LGSN: variants seen among roughly 807,000 people sequenced by gnomAD.
The protein encoded by LGSN is lengsin.
Under a neutral mutation model 19.5 loss-of-function variants are expected in LGSN, and 21 were observed. The observed-to-expected ratio is 1.07, with a 90% CI of 0.76 to 1.55. The LOEUF (loss-of-function observed/expected upper bound fraction) is 1.55, where lower values mean the gene tolerates loss of function less well. LGSN is among the 40% of genes most tolerant of loss of function. The pLI is 0.00. For missense variants in LGSN, 673 were observed against 608.5 expected, an observed-to-expected ratio of 1.11 and a Z score of -1.12; for synonymous variants, 257 against 215.6, an observed-to-expected ratio of 1.19 and a Z score of -1.68.
chr6:63,339,804 A>G, the LGSN span, among the ~76,000 whole-genome samples: 2 of 152,024 alleles, frequency 1.3e-5, no homozygotes, highest in African/African-American at 4.8e-5. Flanking sequence ...TTCTGTAATG[A>G]TAACTTGATT....
At chr6:63,474,382 G>A in the LGSN span, among the ~76,000 whole-genome samples, 4 of 152,102 alleles carry the variant, frequency 2.6e-5, no homozygotes, top group Admixed American at 2.0e-4. Context: ...GCCAAGGTGG[G>A]CGGATCACGA....
chr6:63,474,794 A>G, the LGSN span, among the ~76,000 whole-genome samples: 1 of 144,290 alleles, frequency 6.9e-6, no homozygotes, highest in Non-Finnish European at 1.5e-5. Context: ...GTGGTGGCAG[A>G]TGCCTGTAAT....
chr6:63,334,369 G>C, the LGSN span, among the ~76,000 whole-genome samples: 2 of 151,956 alleles, frequency 1.3e-5, no homozygotes, highest in Non-Finnish European at 2.9e-5. Flanking sequence ...ATTTACAATA[G>C]CTACAAAAAA....
the LGSN span, among the ~76,000 whole-genome samples, chr6:63,542,022 GGTGTGTGTGT>G: frequency 0.02 from 2,988 of 146,822 alleles, 61 homozygotes; most frequent in African/African-American, 0.054. Context: ...AAGAAACTGT[GGTGTGTGTGT>G]GTGTGTGTGT....
chr6:63,373,920 C>T, the LGSN span, among the ~76,000 whole-genome samples: 1 of 151,626 alleles, frequency 6.6e-6, no homozygotes, highest in African/African-American at 2.4e-5. Flanking sequence ...GGGTAACAGA[C>T]AGAGCGAGAC....
rs763058952 is a variant in LGSN, at chr6:63,285,708, G to T, written c.209C>A (p.Ser70Tyr). 9.3e-6 allele frequency: 15 copies of T among 1,613,914 alleles called. No individual in the cohort carries two copies. The highest frequency in any genetic ancestry group is 3.4e-6 in the Non-Finnish European group (4 of 1,179,956). The change falls in exon 3 of 4, where the codon TCT (serine) becomes TAT (tyrosine). Residue 70 changes from serine (S) to tyrosine (Y), a missense_variant. Physicochemically the swap from Ser to Tyr is moderately radical, Grantham distance 144. Coordinates refer to ENST00000370657, the MANE Select transcript of LGSN (RefSeq NM_016571.3). ...SSQILTPPQL[S>Y]SRMKHIRQAM... ...TTGTCTAATGTGTTTCATTCTAGAAGAGAGTTGAGGTGGGGTCAAAATTTG... is the reference window on the plus strand; with the variant it reads ...TTGTCTAATGTGTTTCATTCTAGAATAGAGTTGAGGTGGGGTCAAAATTTG...
the LGSN span, among the ~76,000 whole-genome samples, chr6:63,442,125 CCTCATGTCCGGAGTTGTTG>C: frequency 3.9e-5 from 6 of 152,092 alleles, no homozygotes; most frequent in South Asian, 6.2e-4. Context: ...GTTGTTTGTT[CCTCATGTCCGGAGTTGTTG>C]GTCCCTCCCA....
chr6:63,501,556 C>A, the LGSN span, among the ~76,000 whole-genome samples: 1 of 151,632 alleles, frequency 6.6e-6, no homozygotes, highest in African/African-American at 2.4e-5. Flanking sequence ...AGTCATTAGA[C>A]AACAGCCCTG....
the LGSN span, among the ~76,000 whole-genome samples, chr6:63,552,004 C>T: frequency 2.6e-5 from 4 of 152,280 alleles, no homozygotes; most frequent in South Asian, 2.1e-4. Context: ...AATAAACATA[C>T]GTGTGCATGT....
the LGSN span, among the ~76,000 whole-genome samples, chr6:63,401,496 A>T: frequency 6.6e-6 from 1 of 152,184 alleles, no homozygotes; most frequent in Non-Finnish European, 1.5e-5. Context: ...CCATCACAAG[A>T]TGTCCATTAA....
At chr6:63,520,360 C>T in the LGSN span, among the ~76,000 whole-genome samples, 1 of 152,166 alleles carries the variant, frequency 6.6e-6, no homozygotes, top group Admixed American at 6.6e-5. Context: ...GGTGTGGTGG[C>T]TCATGCCTGT....
chr6:63,467,963 A>G, the LGSN span, among the ~76,000 whole-genome samples: 3 of 152,054 alleles, frequency 2.0e-5, no homozygotes, highest in South Asian at 6.2e-4. Flanking sequence ...AAGTGCTGAA[A>G]TTACAGACGT....
At chr6:63,466,664 G>A in the LGSN span, among the ~76,000 whole-genome samples, 1 of 152,168 alleles carries the variant, frequency 6.6e-6, no homozygotes, top group Non-Finnish European at 1.5e-5. Flanking sequence ...GGAAATTGGA[G>A]ATAAGAGAAA....
At chr6:63,310,015 C>T (rs973505565) in intron 1 of LGSN, among the ~76,000 whole-genome samples, 3 of 152,198 alleles carry the variant, frequency 2.0e-5, no homozygotes, top group Non-Finnish European at 4.4e-5. Context: ...TTGGTATTCT[C>T]TAAGGCTCTG....
chr6:63,547,187 A>ATT, the LGSN span, among the ~76,000 whole-genome samples: 136 of 133,948 alleles, frequency 1.0e-3, 2 homozygotes, highest in African/African-American at 8.8e-4. Context: ...GTAGGGGGGA[A>ATT]TTTTTTTTTT....
the LGSN span, among the ~76,000 whole-genome samples, chr6:63,429,077 G>A: frequency 6.6e-6 from 1 of 152,094 alleles, no homozygotes; most frequent in South Asian, 2.1e-4. Flanking sequence ...GACATTACAT[G>A]AGGCTTCAGC....
At chr6:63,531,471 A>G in the LGSN span, among the ~76,000 whole-genome samples, 1 of 151,558 alleles carries the variant, frequency 6.6e-6, no homozygotes, top group African/African-American at 2.4e-5. Flanking sequence ...AGAAGAGATA[A>G]TGTAATATTT....
chr6:63,289,608 G>GA (rs1427973761), intron 2 of LGSN, among the ~76,000 whole-genome samples: 2 of 145,580 alleles, frequency 1.4e-5, no homozygotes, highest in Non-Finnish European at 3.0e-5. Context: ...AATGTTTAGG[G>GA]AAAAAATAAG....
chr6:63,521,334 T>G, the LGSN span, among the ~76,000 whole-genome samples: 1 of 152,190 alleles, frequency 6.6e-6, no homozygotes, highest in Non-Finnish European at 1.5e-5. Context: ...TAGCATAAAG[T>G]GAGTCAACAT....
Sources: allele counts gnomAD v4.1 joint callset (sites outside exome capture counted in the v4.1 genomes callset), GRCh38; gene constraint gnomAD v4.1.1; transcripts MANE v1.5; gene names NCBI Gene and HGNC (gene_info 2026-07-23, HGNC 2026-07-21).